The following DZIP3 variants were observed in gnomAD, a reference collection of about 807,000 sequenced individuals.
The protein encoded by DZIP3 is E3 ubiquitin-protein ligase DZIP3.
Under a neutral mutation model 162.0 loss-of-function variants are expected in DZIP3, and 118 were observed. That is an observed-to-expected ratio of 0.73 (90% confidence interval 0.63 to 0.85). The LOEUF (loss-of-function observed/expected upper bound fraction) is 0.85. Ranked by LOEUF, DZIP3 falls within the 40% of genes least tolerant of loss-of-function variation. DZIP3 has a pLI of 0.00. For missense variants in DZIP3, 1,331 were observed against 1,407.0 expected (o/e 0.95, Z 0.86); for synonymous variants, 438 against 458.6 (o/e 0.96, Z 0.57).
At chr3:108,631,041 A>ACT (rs1941817406) in intron 8 of DZIP3, among the ~76,000 whole-genome samples, 7 of 92,884 alleles carry the variant, frequency 7.5e-5, no homozygotes, top group African/African-American at 2.5e-4. Flanking sequence ...ACACACACAC[A>ACT]CACACACACA....
chr3:108,608,158 G>T lies in DZIP3; in HGVS notation c.102G>T (p.Leu34=). ...AGCTAGAAAAATCATCTGGTCAACT[G>T]GTAAGAGAAAGTTTAATTTTCATTA... is the stretch of plus-strand genomic sequence containing the variant. ...ENKLEKSSGQ[L]NKQENDIPTD... The change falls in exon 3 of 33, where the codon CTG becomes CTT. Residue 34 remains leucine, a splice_region_variant and synonymous_variant. Coordinates refer to ENST00000361582, the MANE Select transcript of DZIP3 (RefSeq NM_014648.4). 1 of 1,609,886 alleles carries T rather than the reference G, an allele frequency of 6.2e-7. No homozygotes were observed. The highest frequency in any genetic ancestry group is 1.1e-5 in the South Asian group (1 of 90,892).
At chr3:108,631,055 A>ACACACACACACATACACTCTCT in intron 8 of DZIP3, among the ~76,000 whole-genome samples, 11 of 18,014 alleles carry the variant, frequency 6.1e-4, no homozygotes, top group South Asian at 2.3e-3. Context: ...ACACACACAC[A>ACACACACACACATACACTCTCT]CTCTCTCTCT....
rs113180717 is a variant in DZIP3, at chr3:108,623,397, A to C, written c.376-1047A>C. 6.8e-3 allele frequency among the ~76,000 whole-genome samples: 1,043 copies of C among 152,308 alleles called. 5 individuals are homozygous for C. The highest frequency in any genetic ancestry group is 0.024 in the African/African-American group (983 of 41,564). On this transcript the variant is annotated intron_variant, in intron 5 of 32. Transcript: ENST00000361582. ...TAGTCAGCAGGTAATGAACCCCGCC[A>C]GGACTGGGTTCTTACCTTCAAGGCA...
At chr3:108,589,570 G>A (rs769700282), upstream of DZIP3, 37 of 487,656 alleles carry the variant, frequency 7.6e-5, no homozygotes, top group Middle Eastern at 5.4e-4. Context: ...AGGGGTCGAG[G>A]TGATTTGTGG....
At chr3:108,675,942 T>C in intron 25 of DZIP3, 69 bp downstream of exon 25, 1 of 1,333,778 alleles carries the variant, frequency 7.5e-7, no homozygotes, top group Non-Finnish European at 1.0e-6. Flanking sequence ...AGAAGACATA[T>C]TAGTAGAAAA....
At position 108,647,324 on chromosome 3, in the gene DZIP3, C is replaced by G. The variant is rs529306816; in HGVS notation, c.1793-619C>G. Among the ~76,000 whole-genome samples the G allele has an allele frequency of 2.0e-3, 297 of 151,708 alleles. 1 individual carries two copies. The highest frequency in any genetic ancestry group is 6.6e-3 in the African/African-American group (272 of 41,260). ...TAATTGTTTAATTTCCATTTTTGTG[C>G]TATTTTTTTTAAGTGTAATTAATAT... is the stretch of plus-strand genomic sequence containing the variant. On this transcript the variant is annotated intron_variant, in intron 15 of 32. Transcript: ENST00000361582.
chr3:108,671,899 T>C (rs1363553835), intron 22 of DZIP3, among the ~76,000 whole-genome samples: 1 of 151,974 alleles, frequency 6.6e-6, no homozygotes, highest in Non-Finnish European at 1.5e-5. Context: ...ATTAAATAGC[T>C]TGCTGTCTTA....
chr3:108,611,087 C>A, intron 3 of DZIP3, 87 bp from the exon 4 acceptor site: 1 of 1,318,062 alleles, frequency 7.6e-7, no homozygotes, highest in South Asian at 1.6e-5. Context: ...AGCTTTGTTC[C>A]TTTTTTAATG....
In DZIP3 at chr3:108,605,356, G is replaced by T. The variant is rs548204686; in HGVS notation, c.-51G>T. ...ACAGCATTAAAGGGCAGTATTTAAA[G>T]TCAGTTGGCAAGCAGTGGAATAAGA... On this transcript the variant is annotated 5_prime_UTR_variant, in exon 2 of 33. Coordinates refer to ENST00000361582, the MANE Select transcript of DZIP3 (RefSeq NM_014648.4). 5 of 1,612,252 alleles carry T rather than the reference G, an allele frequency of 3.1e-6. No individual in the cohort carries two copies. The South Asian group carries it at 5.5e-5, about 18-fold the overall frequency.
intron 4 of DZIP3, among the ~76,000 whole-genome samples, chr3:108,614,656 C>G (rs899435684): frequency 2.6e-5 from 4 of 152,102 alleles, no homozygotes; most frequent in African/African-American, 9.7e-5. Context: ...AAAGCTACTT[C>G]TCATGGCAGC....
chr3:108,612,577 G>A (rs891756567), intron 4 of DZIP3, among the ~76,000 whole-genome samples: 6 of 151,994 alleles, frequency 3.9e-5, no homozygotes, highest in South Asian at 2.1e-4. Context: ...GGACACCCCC[G>A]GTACAAAAAT....
At position 108,611,248 on chromosome 3, in the gene DZIP3, T is replaced by C. The variant is rs777837240; in HGVS notation, c.177T>C (p.Asn59=). 1 of 1,612,202 alleles carries C rather than the reference T, an allele frequency of 6.2e-7. No individual in the cohort carries two copies. The highest frequency in any genetic ancestry group is 1.1e-5 in the South Asian group (1 of 90,436). ...NLLLEVKKLL[N]AINTLPKGVV... ...TATTAGAAGTGAAGAAGTTATTAAA[T>C]GCAATTAATACTCTACCAAAAGGTG... The change falls in exon 4 of 33, where the codon AAT becomes AAC. Residue 59 remains asparagine, a synonymous_variant. Transcript: ENST00000361582.
At chr3:108,603,622 T>G (rs1188558662) in intron 1 of DZIP3, among the ~76,000 whole-genome samples, 1 of 152,196 alleles carries the variant, frequency 6.6e-6, no homozygotes, top group East Asian at 1.9e-4. Flanking sequence ...AATTAAGAGA[T>G]ATTAGAAGAA....
chr3:108,625,142 G>A (rs1204119830), intron 6 of DZIP3, among the ~76,000 whole-genome samples: 1 of 152,204 alleles, frequency 6.6e-6, no homozygotes, highest in South Asian at 2.1e-4. Flanking sequence ...AGGCCAGGCA[G>A]CATTTTTCCA....
rs543800136 is a variant in DZIP3, at chr3:108,666,727, C to G, written c.2424-2954C>G. ...GTCACAATGGAGTCAAATTAAACAT[C>G]AGTAACGGAGAGATACCAAGAAACC... On this transcript the variant is annotated intron_variant, in intron 21 of 32. Transcript: ENST00000361582. 4.6e-5 allele frequency among the ~76,000 whole-genome samples: 7 copies of G among 152,152 alleles called. No homozygotes were observed. In the South Asian group the frequency reaches 1.2e-3, roughly 27 times the overall value.
intron 1 of DZIP3, among the ~76,000 whole-genome samples, chr3:108,599,077 C>T (rs1939856810): frequency 6.6e-6 from 1 of 152,158 alleles, no homozygotes; most frequent in South Asian, 2.1e-4. Flanking sequence ...GTTAATTTTG[C>T]TTTAGGAAAG....
intron 8 of DZIP3, among the ~76,000 whole-genome samples, chr3:108,630,192 C>G (rs1468005091): frequency 1.3e-5 from 2 of 151,972 alleles, no homozygotes; most frequent in African/African-American, 4.8e-5. Flanking sequence ...ATCTGATAAA[C>G]CATTTGTGTC....
intron 12 of DZIP3, among the ~76,000 whole-genome samples, chr3:108,639,104 C>T (rs1188935108): frequency 3.9e-5 from 6 of 152,296 alleles, no homozygotes; most frequent in South Asian, 2.1e-4. Flanking sequence ...TTAAAGCTTT[C>T]GAAAAGCCTT....
intron 16 of DZIP3, chr3:108,648,573 C>T: frequency 5.9e-6 from 1 of 168,560 alleles, no homozygotes; most frequent in Non-Finnish European, 1.3e-5. Flanking sequence ...CTAAATTATC[C>T]TTAGATCTTT....
Sources: allele counts gnomAD v4.1 joint callset (sites outside exome capture counted in the v4.1 genomes callset), GRCh38; gene constraint gnomAD v4.1.1; transcripts MANE v1.5; gene names NCBI Gene and HGNC (gene_info 2026-07-23, HGNC 2026-07-21).